The following SLC38A12 variants were observed in gnomAD, a reference collection of about 807,000 sequenced individuals.
The protein encoded by SLC38A12 is putative sodium-coupled neutral amino acid transporter 12.
the SLC38A12 span, chr17:74,785,460 A>C: frequency 1.2e-6 from 2 of 1,605,040 alleles, no homozygotes; most frequent in South Asian, 1.1e-5. Context: ...CCGGGCTTGA[A>C]TGTTGCCTCT....
At chr17:74,821,463 G>A in the SLC38A12 span, among the ~76,000 whole-genome samples, 1 of 152,202 alleles carries the variant, frequency 6.6e-6, no homozygotes, top group Non-Finnish European at 1.5e-5. Flanking sequence ...GGGGGAAGAT[G>A]GGAGTTGTTA....
At chr17:74,804,615 G>A in the SLC38A12 span, among the ~76,000 whole-genome samples, 3 of 152,248 alleles carry the variant, frequency 2.0e-5, no homozygotes, top group Admixed American at 6.5e-5. Flanking sequence ...AGGCACTGGG[G>A]GTGTGGCAGC....
chr17:74,804,664 G>GCCA, the SLC38A12 span, among the ~76,000 whole-genome samples: 53 of 152,222 alleles, frequency 3.5e-4, no homozygotes, highest in African/African-American at 1.3e-3. Flanking sequence ...AGGGTCTTGA[G>GCCA]CCACCGCAGG....
chr17:74,798,019 G>A, the SLC38A12 span, among the ~76,000 whole-genome samples: 5 of 152,290 alleles, frequency 3.3e-5, no homozygotes, highest in African/African-American at 1.2e-4. Flanking sequence ...ACCACCAGCT[G>A]TTTCTGATTT....
the SLC38A12 span, among the ~76,000 whole-genome samples, chr17:74,828,985 G>A: frequency 3.9e-5 from 6 of 152,000 alleles, no homozygotes; most frequent in Non-Finnish European, 5.9e-5. Context: ...CCAGCCACCT[G>A]GGGAAGTTTT....
the SLC38A12 span, chr17:74,838,216 T>A: frequency 2.0e-6 from 2 of 985,754 alleles, no homozygotes; most frequent in Non-Finnish European, 2.4e-6. Flanking sequence ...TCAGTGTTTC[T>A]CATAGCTTGT....
the SLC38A12 span, chr17:74,836,084 C>A: frequency 6.2e-7 from 1 of 1,613,834 alleles, no homozygotes; most frequent in Admixed American, 1.7e-5. The surrounding 1 kb of genome is among the most constrained non-coding windows in gnomAD (Gnocchi z 4.2). Flanking sequence ...TCATTACCCC[C>A]GTCTCCTCCA....
chr17:74,791,054 G>C, the SLC38A12 span: 1 of 1,610,216 alleles, frequency 6.2e-7, no homozygotes, highest in African/African-American at 1.3e-5. Flanking sequence ...TTCTTTTGGG[G>C]GTGGGGTGTG....
the SLC38A12 span, among the ~76,000 whole-genome samples, chr17:74,830,955 G>C: frequency 6.6e-6 from 1 of 152,222 alleles, no homozygotes; most frequent in Non-Finnish European, 1.5e-5. Flanking sequence ...GACCTCGCGG[G>C]GCCTCAGTGA....
the SLC38A12 span, among the ~76,000 whole-genome samples, chr17:74,806,367 A>G: frequency 2.0e-5 from 3 of 152,320 alleles, no homozygotes; most frequent in African/African-American, 7.2e-5. Context: ...CTCTCCAGGC[A>G]CAGCCGTCGG....
the SLC38A12 span, chr17:74,838,820 C>A: frequency 6.6e-7 from 1 of 1,518,636 alleles, no homozygotes; most frequent in South Asian, 1.2e-5. Flanking sequence ...GCATCCGGCA[C>A]GTTTCACTGC....
chr17:74,795,129 C>A, the SLC38A12 span: 3 of 1,610,640 alleles, frequency 1.9e-6, no homozygotes, highest in Non-Finnish European at 2.5e-6. Context: ...CCCTCCTGGC[C>A]CCCAGGTTGG....
the SLC38A12 span, among the ~76,000 whole-genome samples, chr17:74,825,464 A>C: frequency 6.6e-6 from 1 of 152,260 alleles, no homozygotes; most frequent in Admixed American, 6.5e-5. Flanking sequence ...GTGGGCAGGT[A>C]ATGAACGCTT....
the SLC38A12 span, among the ~76,000 whole-genome samples, chr17:74,787,630 A>C: frequency 0.25 from 11,025 of 44,572 alleles, 608 homozygotes; most frequent in African/African-American, 0.35. Flanking sequence ...CTCCGTCTCA[A>C]AAAAAAAAAA....
chr17:74,795,680 G>C, the SLC38A12 span: 1 of 1,473,930 alleles, frequency 6.8e-7, no homozygotes, highest in Non-Finnish European at 9.5e-7. Context: ...AGCCTGCACA[G>C]CTGAGGGCAT....
chr17:74,787,984 C>T, the SLC38A12 span, among the ~76,000 whole-genome samples: 5 of 151,988 alleles, frequency 3.3e-5, no homozygotes, highest in Non-Finnish European at 7.4e-5. Flanking sequence ...TTAGTACAGA[C>T]GAAGTTTCAC....
chr17:74,796,462 G>A, the SLC38A12 span, among the ~76,000 whole-genome samples: 10 of 152,186 alleles, frequency 6.6e-5, no homozygotes, highest in South Asian at 2.1e-4. Context: ...CTGGCCTCCC[G>A]GCTTCATTAT....
At chr17:74,812,600 G>C in the SLC38A12 span, among the ~76,000 whole-genome samples, 2 of 151,134 alleles carry the variant, frequency 1.3e-5, no homozygotes, top group African/African-American at 4.9e-5. Flanking sequence ...TTCTTTTATC[G>C]CTTGAAATAA....
the SLC38A12 span, among the ~76,000 whole-genome samples, chr17:74,830,876 G>T: frequency 6.6e-6 from 1 of 152,356 alleles, no homozygotes; most frequent in East Asian, 1.9e-4. Context: ...TCAGTGTGGC[G>T]AGGCCTGCGT....
Sources: allele counts gnomAD v4.1 joint callset (sites outside exome capture counted in the v4.1 genomes callset), GRCh38; gene constraint gnomAD v4.1.1; non-coding constraint Gnocchi (gnomAD v3.1); transcripts MANE v1.5; gene names NCBI Gene and HGNC (gene_info 2026-07-23, HGNC 2026-07-21).